Variants in RASAL2 observed in about 807,000 individuals in gnomAD.
The protein encoded by RASAL2 is ras GTPase-activating protein nGAP.
A neutral mutation model predicts 128.9 loss-of-function variants in RASAL2; 58 were observed. That is an observed-to-expected ratio of 0.45 (90% CI 0.36 to 0.56). The LOEUF is 0.56. RASAL2 is among the 20% of genes least tolerant of loss of function. The probability of loss-of-function intolerance (pLI) is 0.00; values close to 1 mark genes in which losing one functional copy is unlikely to be tolerated. For synonymous variants in RASAL2, 561 were observed against 580.8 expected, an observed-to-expected ratio of 0.97 and a Z score of 0.49; for missense variants, 1,360 against 1,601.6, an observed-to-expected ratio of 0.85 and a Z score of 2.57.
intron 1 of RASAL2, among the ~76,000 whole-genome samples, chr1:178,102,923 A>G (rs1571474957): frequency 6.6e-6 from 1 of 152,188 alleles, no homozygotes; most frequent in Admixed American, 6.6e-5. Context: ...ATATGTAAAA[A>G]TCCTGCCATA....
At chr1:178,253,487 T>A (rs535046682) in intron 1 of RASAL2, among the ~76,000 whole-genome samples, 2 of 152,288 alleles carry the variant, frequency 1.3e-5, no homozygotes, top group Non-Finnish European at 2.9e-5. Flanking sequence ...TGTATGTAGT[T>A]TCACTCGTGT....
At chr1:178,408,374 G>T (rs1674122650) in intron 4 of RASAL2, among the ~76,000 whole-genome samples, 1 of 151,988 alleles carries the variant, frequency 6.6e-6, no homozygotes, top group Admixed American at 6.6e-5. Flanking sequence ...AGAGAAAAAA[G>T]CATTTTCCTC....
At chr1:178,325,223 A>G (rs1375799015) in intron 3 of RASAL2, among the ~76,000 whole-genome samples, 1 of 152,222 alleles carries the variant, frequency 6.6e-6, no homozygotes, top group East Asian at 1.9e-4. Flanking sequence ...AGAATAACAT[A>G]GGAAAAATTC....
chr1:178,443,245 G>A lies in RASAL2; in HGVS notation c.1482+16G>A. 1 of 1,571,412 alleles carries A rather than the reference G, an allele frequency of 6.4e-7. No homozygotes were observed. Among genetic ancestry groups the A allele is most frequent in the Non-Finnish European group, 8.7e-7 (1 of 1,147,414 alleles). On this transcript the variant is annotated intron_variant, in intron 8 of 17. Coordinates refer to ENST00000367649, the MANE Select transcript of RASAL2 (RefSeq NM_170692.4). Reference sequence around the variant, plus strand: ...CAGAGCCAAGGTAAGTGGAAAAGGGGGATTGCAGTACCTGAAGTCTCTTCC... The same window carrying A: ...CAGAGCCAAGGTAAGTGGAAAAGGGAGATTGCAGTACCTGAAGTCTCTTCC...
At position 178,212,988 on chromosome 1, in the gene RASAL2, T is replaced by C. The variant is rs563289272; in HGVS notation, c.203-70576T>C. 5.3e-5 allele frequency among the ~76,000 whole-genome samples: 8 copies of C among 152,320 alleles called. No individual in the cohort carries two copies. The South Asian group carries it at 1.7e-3, about 32-fold the overall frequency. Reference sequence around the variant, plus strand: ...GCAGTCTTTCTCCAAGATGGTTTAATTGTATTCCCAACTAGGTACAACCAC... The same window carrying C: ...GCAGTCTTTCTCCAAGATGGTTTAACTGTATTCCCAACTAGGTACAACCAC... On this transcript the variant is annotated intron_variant, in intron 1 of 17. Transcript: ENST00000367649.
intron 1 of RASAL2, among the ~76,000 whole-genome samples, chr1:178,165,603 C>T (rs970183705): frequency 6.6e-6 from 1 of 152,142 alleles, no homozygotes; most frequent in Non-Finnish European, 1.5e-5. Context: ...CACATATACA[C>T]ACAAATGCAA....
intron 3 of RASAL2, among the ~76,000 whole-genome samples, chr1:178,379,549 T>TG (rs575444103): frequency 1.5e-3 from 225 of 152,312 alleles, no homozygotes; most frequent in Non-Finnish European, 2.0e-3. Context: ...AAAGCACACT[T>TG]GCGTTAATAT....
chr1:178,386,838 GCTGT>G (rs750845648), intron 3 of RASAL2, among the ~76,000 whole-genome samples: 2 of 152,204 alleles, frequency 1.3e-5, no homozygotes, highest in South Asian at 2.1e-4. Context: ...AGAGGATACA[GCTGT>G]CTAATTTTGG....
chr1:178,442,623 T>G (rs528177925), intron 7 of RASAL2, 52 bp from the exon 8 acceptor site: 22 of 1,491,548 alleles, frequency 1.5e-5, no homozygotes, highest in South Asian at 1.2e-4. Context: ...AAAAAAATGT[T>G]TTTTTTTCTG....
intron 1 of RASAL2, among the ~76,000 whole-genome samples, chr1:178,142,632 C>G (rs545645024): frequency 1.6e-4 from 24 of 152,086 alleles, no homozygotes; most frequent in African/African-American, 5.3e-4. Flanking sequence ...TTGAGTGTTT[C>G]GTTCATTTTC....
chr1:178,387,363 AAT>A (rs1672638493), intron 3 of RASAL2, among the ~76,000 whole-genome samples: 3 of 150,410 alleles, frequency 2.0e-5, no homozygotes, highest in African/African-American at 7.5e-5. Context: ...ACAGAAAGAG[AAT>A]TTTTTTTTTA....
At chr1:178,361,187 C>G (rs183843372) in intron 3 of RASAL2, among the ~76,000 whole-genome samples, 126 of 152,268 alleles carry the variant, frequency 8.3e-4, no homozygotes, top group Non-Finnish European at 1.4e-3. Context: ...GCATGCTTTA[C>G]ATATCTGTTG....
intron 1 of RASAL2, among the ~76,000 whole-genome samples, chr1:178,206,515 A>G (rs1558114537): frequency 1.3e-5 from 2 of 152,190 alleles, no homozygotes; most frequent in Non-Finnish European, 2.9e-5. Context: ...AAGCCAAAAT[A>G]TAGTTGCATG....
chr1:178,445,684 A>G (rs939259376), intron 9 of RASAL2, 22 bp downstream of exon 9: 9 of 1,582,874 alleles, frequency 5.7e-6, no homozygotes, highest in African/African-American at 4.1e-5. Flanking sequence ...AAAAACATCT[A>G]TTTTCTTTTA....
At chr1:178,391,965 G>A (rs1051691193) in intron 4 of RASAL2, among the ~76,000 whole-genome samples, 4 of 152,062 alleles carry the variant, frequency 2.6e-5, no homozygotes, top group African/African-American at 4.8e-5. Context: ...TTATTCTTCC[G>A]AGCTCCATTT....
intron 1 of RASAL2, among the ~76,000 whole-genome samples, chr1:178,226,799 G>C (rs924899230): frequency 6.6e-6 from 1 of 152,106 alleles, no homozygotes; most frequent in Non-Finnish European, 1.5e-5. Flanking sequence ...AACTAGCCAG[G>C]TGTGGTGGCA....
intron 3 of RASAL2, among the ~76,000 whole-genome samples, chr1:178,314,634 T>G (rs947778956): frequency 1.3e-4 from 20 of 152,168 alleles, no homozygotes; most frequent in African/African-American, 4.6e-4. Context: ...ACAATATTTT[T>G]TTTGACTGAG....
At chr1:178,131,620 C>A (rs1166850276) in intron 1 of RASAL2, among the ~76,000 whole-genome samples, 1 of 151,932 alleles carries the variant, frequency 6.6e-6, no homozygotes, top group Non-Finnish European at 1.5e-5. Context: ...GTGGTTTTTC[C>A]AAAAACCTGA....
At chr1:178,401,490 T>C (rs1347792036) in intron 4 of RASAL2, among the ~76,000 whole-genome samples, 1 of 152,094 alleles carries the variant, frequency 6.6e-6, no homozygotes, top group East Asian at 1.9e-4. Flanking sequence ...AAAAGTTCCA[T>C]GGGGCTGGGC....
Sources: allele counts gnomAD v4.1 joint callset (sites outside exome capture counted in the v4.1 genomes callset), GRCh38; gene constraint gnomAD v4.1.1; transcripts MANE v1.5; gene names NCBI Gene and HGNC (gene_info 2026-07-23, HGNC 2026-07-21).